The following OSBPL5 variants were observed in gnomAD, a reference collection of about 807,000 sequenced individuals.
OSBPL5 encodes the protein oxysterol-binding protein-related protein 5.
OSBPL5 carries 71 observed loss-of-function variants against 111.2 expected under a neutral mutation model. The observed-to-expected ratio is 0.64, with a 90% CI of 0.53 to 0.78. OSBPL5 has a LOEUF of 0.78. Ranked by LOEUF, OSBPL5 falls within the 30% of genes least tolerant of loss-of-function variation. The pLI, the probability that OSBPL5 is intolerant of heterozygous loss-of-function variation, is 0.00. For synonymous variants in OSBPL5, 549 were observed against 513.9 expected (o/e 1.07, Z -0.93); for missense variants, 1,210 against 1,189.3 (o/e 1.02, Z -0.26).
At chr11:3,135,394 C>T (rs1036877433) in intron 1 of OSBPL5, among the ~76,000 whole-genome samples, 13 of 152,362 alleles carry the variant, frequency 8.5e-5, no homozygotes, top group South Asian at 8.3e-4. Context: ...GGCCGGGGAA[C>T]GTTCTGGAGG....
In OSBPL5 at chr11:3,137,199, A is replaced by G. The variant is rs116796673; in HGVS notation, c.-21-8030T>C. Among the ~76,000 whole-genome samples the G allele has an allele frequency of 3.8e-3, 583 of 152,214 alleles. 4 individuals carry two copies. Among genetic ancestry groups the G allele is most frequent in the African/African-American group, 0.014 (570 of 41,518 alleles). Reference sequence around the variant, plus strand: ...GGGAGACCACCACAGCAACAGATGCACTCCCTGAGAGCAGACAGCAGCATA... The same window carrying G: ...GGGAGACCACCACAGCAACAGATGCGCTCCCTGAGAGCAGACAGCAGCATA... On this transcript the variant is annotated intron_variant, in intron 1 of 21. Coordinates refer to ENST00000263650, the MANE Select transcript of OSBPL5 (RefSeq NM_020896.4).
intron 7 of OSBPL5, among the ~76,000 whole-genome samples, chr11:3,114,985 A>G (rs1365707613): frequency 6.6e-6 from 1 of 152,166 alleles, no homozygotes; most frequent in Non-Finnish European, 1.5e-5. Context: ...TTCAACTTTC[A>G]TTGCATCTTG....
chr11:3,160,382 G>C (rs965131310), intron 1 of OSBPL5, among the ~76,000 whole-genome samples: 2 of 152,056 alleles, frequency 1.3e-5, no homozygotes, highest in Non-Finnish European at 2.9e-5. Flanking sequence ...AGGCGGGCAG[G>C]AGCGGGACGC....
chr11:3,158,439 CAG>C lies in OSBPL5; in HGVS notation c.-22+6775_-22+6776del, dbSNP rs1332579338. Among the ~76,000 whole-genome samples the C allele has an allele frequency of 3.3e-5, 5 of 152,384 alleles. No homozygotes were observed. In the East Asian group the frequency reaches 9.7e-4, roughly 29 times the overall value. ...CACTGGCACCTGCTTTTCCGACCTGCAGAGAGCTCTTCCTGTCCTGGCCCCAG... is the reference window on the plus strand; with the variant it reads ...CACTGGCACCTGCTTTTCCGACCTGCAGAGCTCTTCCTGTCCTGGCCCCAG... On this transcript the variant is annotated intron_variant, in intron 1 of 21. Transcript: ENST00000263650.
chr11:3,139,902 C>T (rs751847829), intron 1 of OSBPL5, among the ~76,000 whole-genome samples: 28 of 152,234 alleles, frequency 1.8e-4, no homozygotes, highest in Admixed American at 9.8e-4. Context: ...TGGGGTGGGG[C>T]GCTCACAGCC....
intron 1 of OSBPL5, among the ~76,000 whole-genome samples, chr11:3,157,009 C>T (rs939968960): frequency 1.3e-5 from 2 of 152,288 alleles, no homozygotes; most frequent in African/African-American, 2.4e-5. Flanking sequence ...TCAGACGGGC[C>T]ACTCCTCGGG....
Position 3,101,703 on chromosome 11 carries a change from C to A in OSBPL5, c.1426-4G>T. On this transcript the variant is annotated splice_region_variant and splice_polypyrimidine_tract_variant and intron_variant, in intron 12 of 21. Transcript: ENST00000263650. ...ACACGGGCGGGTGGTGGGACACCTG[C>A]GTGCAGGGAGGCGGCTCTGTAAACA... 6.2e-7 allele frequency: 1 copy of A among 1,612,316 alleles called. No homozygotes were observed. The highest frequency in any genetic ancestry group is 2.2e-5 in the East Asian group (1 of 44,848).
At chr11:3,099,811 G>T (rs1206162574) in intron 14 of OSBPL5, among the ~76,000 whole-genome samples, 1 of 152,142 alleles carries the variant, frequency 6.6e-6, no homozygotes, top group Non-Finnish European at 1.5e-5. Context: ...GCTCATGCCT[G>T]TAATCCCAGC....
intron 1 of OSBPL5, among the ~76,000 whole-genome samples, chr11:3,136,293 T>A (rs1036542060): frequency 3.1e-4 from 47 of 152,350 alleles, no homozygotes; most frequent in African/African-American, 9.9e-4. Flanking sequence ...CCTTACCCCC[T>A]GCCTCCCAGA....
chr11:3,136,114 T>C (rs1845942099), intron 1 of OSBPL5, among the ~76,000 whole-genome samples: 1 of 152,200 alleles, frequency 6.6e-6, no homozygotes. Context: ...CTGAGGATGC[T>C]TGCCTCTGGA....
In OSBPL5 at chr11:3,110,564, G is replaced by A. The variant is rs753162119; in HGVS notation, c.692-2619C>T. Among the ~76,000 whole-genome samples the A allele has an allele frequency of 1.3e-5, 2 of 152,164 alleles. No individual in the cohort carries two copies. The highest frequency in any genetic ancestry group is 2.9e-5 in the Non-Finnish European group (2 of 68,034). ...ACCTGTTGTTTCAATGGTGCCTGGT[G>A]TGAAAGGAAAATCTTGGGCCCCTCA... is the stretch of plus-strand genomic sequence containing the variant. On this transcript the variant is annotated intron_variant, in intron 7 of 21. Coordinates refer to ENST00000263650, the MANE Select transcript of OSBPL5 (RefSeq NM_020896.4). The surrounding 1 kb of genome is among the most constrained non-coding windows in gnomAD (Gnocchi z 5.3).
chr11:3,103,765 CCCCCTTCCAGCCTCTGCAGT>C (rs1414229466), intron 10 of OSBPL5, among the ~76,000 whole-genome samples: 5 of 41,246 alleles, frequency 1.2e-4, no homozygotes, highest in Admixed American at 5.0e-4. Context: ...AGCTCTGCAG[CCCCCTTCCAGCCTCTGCAGT>C]CCCTTCCTGC....
At chr11:3,102,123 C>A in intron 12 of OSBPL5, 60 bp downstream of exon 12, 5 of 1,517,860 alleles carry the variant, frequency 3.3e-6, no homozygotes, top group Non-Finnish European at 4.5e-6. Context: ...GCCCCGCCCC[C>A]ACAGAGCCCC....
intron 7 of OSBPL5, among the ~76,000 whole-genome samples, chr11:3,114,591 A>ATTTTTTT (rs59645003): frequency 8.8e-6 from 1 of 113,900 alleles, no homozygotes; most frequent in African/African-American, 3.5e-5. Flanking sequence ...TAGAACAATG[A>ATTTTTTT]TTTTTTTTTT....
At chr11:3,091,307 C>T (rs1857047112) in intron 19 of OSBPL5, among the ~76,000 whole-genome samples, 2 of 152,244 alleles carry the variant, frequency 1.3e-5, no homozygotes, top group Non-Finnish European at 2.9e-5. Flanking sequence ...CACCATGTAA[C>T]AACAGGCGTT....
At chr11:3,152,431 C>T (rs980511599) in intron 1 of OSBPL5, among the ~76,000 whole-genome samples, 2 of 152,204 alleles carry the variant, frequency 1.3e-5, no homozygotes, top group East Asian at 3.9e-4. Context: ...ACACTGAAAG[C>T]TGTTCTAAAC....
intron 1 of OSBPL5, among the ~76,000 whole-genome samples, chr11:3,134,549 A>G (rs2134494817): frequency 6.6e-6 from 1 of 152,286 alleles, no homozygotes; most frequent in Admixed American, 6.5e-5. Flanking sequence ...AGCCCATCCC[A>G]GGTGGGTGCC....
chr11:3,130,406 T>TGG lies in OSBPL5; in HGVS notation c.-21-1239_-21-1238dup, dbSNP rs200747937. Among the ~76,000 whole-genome samples the TGG allele has an allele frequency of 4.6e-5, 7 of 152,212 alleles. No homozygotes were observed. Among genetic ancestry groups the TGG allele is most frequent in the South Asian group, 2.1e-4 (1 of 4,820 alleles). ...TTTCTCCCATGGTCCTGGGCTTTGCTGGGGGGGGCCTCAGACACACAGAGA... is the reference window on the plus strand; with the variant it reads ...TTTCTCCCATGGTCCTGGGCTTTGCTGGGGGGGGGGCCTCAGACACACAGAGA... On this transcript the variant is annotated intron_variant, in intron 1 of 21. Transcript: ENST00000263650. This position sits in a 1 kb window ranked among gnomAD's most constrained non-coding sequence, Gnocchi z 4.5.
At position 3,104,970 on chromosome 11, in the gene OSBPL5, G is replaced by A. The variant is rs1857643622; in HGVS notation, c.1060-593C>T. Among the ~76,000 whole-genome samples, 2 of 152,078 alleles carry A rather than the reference G, an allele frequency of 1.3e-5. No homozygotes were observed. The highest frequency in any genetic ancestry group is 1.3e-4 in the Admixed American group (2 of 15,272). On this transcript the variant is annotated intron_variant, in intron 9 of 21. Coordinates refer to ENST00000263650, the MANE Select transcript of OSBPL5 (RefSeq NM_020896.4). The surrounding 1 kb of genome is among the most constrained non-coding windows in gnomAD (Gnocchi z 5.0). ...GCATGTGAACTCACCCCTCACTTCC[G>A]AAGCCTGTGTGCCCCTCACGAAGGC... is the stretch of plus-strand genomic sequence containing the variant.
Sources: gnomAD v4.1 joint callset for allele counts (sites outside exome capture counted in the v4.1 genomes callset) on GRCh38, gnomAD v4.1.1 for gene constraint, Gnocchi (gnomAD v3.1) non-coding constraint, MANE v1.5 for transcripts, NCBI Gene and HGNC (gene_info 2026-07-23, HGNC 2026-07-21) for gene names.